Variants in LRP12 observed in about 807,000 individuals in gnomAD.
LRP12 encodes low-density lipoprotein receptor-related protein 12.
In LRP12, 14 loss-of-function variants were observed where a neutral mutation model predicts 66.0. That is an observed-to-expected ratio of 0.21 (90% CI 0.14 to 0.33). The LOEUF (loss-of-function observed/expected upper bound fraction) is 0.33, where lower values mean the gene tolerates loss of function less well. Ranked by LOEUF, LRP12 falls within the 10% of genes least tolerant of loss-of-function variation. The pLI, the probability that LRP12 is intolerant of heterozygous loss-of-function variation, is 1.00. For missense variants in LRP12, 889 were observed against 1,053.4 expected, an observed-to-expected ratio of 0.84 and a Z score of 2.16; for synonymous variants, 357 against 359.1, an observed-to-expected ratio of 0.99 and a Z score of 0.07.
chr8:104,496,258 T>G (rs1294826869), intron 5 of LRP12: 1 of 152,254 alleles, frequency 6.6e-6, no homozygotes, highest in Non-Finnish European at 1.5e-5. Flanking sequence ...GTTCCAATCG[T>G]ATCTCCTGTT....
At chr8:104,570,301 G>C (rs1203568017) in intron 1 of LRP12, among the ~76,000 whole-genome samples, 1 of 152,158 alleles carries the variant, frequency 6.6e-6, no homozygotes, top group Non-Finnish European at 1.5e-5. Flanking sequence ...GTATATGGAA[G>C]AGAAAAGGAA....
At chr8:104,511,973 C>T (rs71520892) in intron 2 of LRP12, among the ~76,000 whole-genome samples, 22,343 of 151,594 alleles carry the variant, frequency 0.15, 2,444 homozygotes, top group African/African-American at 0.31. Flanking sequence ...TAATAAATGA[C>T]GTTTTAGAAA....
chr8:104,567,994 T>C (rs1206392559), intron 1 of LRP12, among the ~76,000 whole-genome samples: 2 of 152,034 alleles, frequency 1.3e-5, no homozygotes, highest in African/African-American at 2.4e-5. Context: ...TGAAAACAAA[T>C]TGGAATACTC....
At chr8:104,495,325 C>A in intron 5 of LRP12, 116 bp from the exon 6 acceptor site, 1 of 1,067,576 alleles carries the variant, frequency 9.4e-7, no homozygotes. Context: ...CATTTTAAAG[C>A]TTAGTCATTT....
At chr8:104,519,018 T>C (rs556327576) in intron 2 of LRP12, among the ~76,000 whole-genome samples, 3 of 152,200 alleles carry the variant, frequency 2.0e-5, no homozygotes, top group Admixed American at 6.6e-5. Flanking sequence ...TAGAGTACTA[T>C]AGTTGCCCTT....
intron 2 of LRP12, among the ~76,000 whole-genome samples, chr8:104,510,874 G>C (rs74482191): frequency 1.3e-5 from 2 of 151,992 alleles, no homozygotes; most frequent in East Asian, 3.9e-4. Context: ...ACTGATCTAA[G>C]AGTTGTTGAG....
rs117298430 is a variant in LRP12 at position 104,572,083 on chromosome 8, A to C, written c.79+16736T>G. ...GTATATCCATAAAATGGCAAGGAATAAAACTAGTGATTGATGCAACAATGT... is the reference window on the plus strand; with the variant it reads ...GTATATCCATAAAATGGCAAGGAATCAAACTAGTGATTGATGCAACAATGT... On this transcript the variant is annotated intron_variant, in intron 1 of 6. Transcript: ENST00000276654. Among the ~76,000 whole-genome samples the C allele has an allele frequency of 7.1e-3, 1,083 of 152,382 alleles. 10 individuals carry two copies. The highest frequency in any genetic ancestry group is 9.5e-3 in the Admixed American group (146 of 15,314).
chr8:104,504,442 G>C (rs1810874953), intron 3 of LRP12: 1 of 151,956 alleles, frequency 6.6e-6, no homozygotes, highest in Admixed American at 6.5e-5. Flanking sequence ...ATGCATTAAA[G>C]TTGTAAACTT....
intron 2 of LRP12, among the ~76,000 whole-genome samples, chr8:104,524,125 C>G (rs1440010733): frequency 6.6e-6 from 1 of 151,346 alleles, no homozygotes; most frequent in Non-Finnish European, 1.5e-5. Flanking sequence ...ACCTGTAGTC[C>G]CAGCTACTCG....
chr8:104,555,662 A>C (rs541221729), intron 1 of LRP12, among the ~76,000 whole-genome samples: 1 of 152,280 alleles, frequency 6.6e-6, no homozygotes, highest in East Asian at 1.9e-4. Flanking sequence ...AATTTACAAA[A>C]CAATTACTAA....
At chr8:104,557,566 A>G (rs1430551568) in intron 1 of LRP12, among the ~76,000 whole-genome samples, 1 of 152,092 alleles carries the variant, frequency 6.6e-6, no homozygotes, top group Non-Finnish European at 1.5e-5. Context: ...CTAACCAAGG[A>G]GGTGAAAGAC....
intron 1 of LRP12, among the ~76,000 whole-genome samples, chr8:104,547,657 AAT>A (rs1281091963): frequency 2.5e-5 from 3 of 118,708 alleles, no homozygotes; most frequent in Non-Finnish European, 4.7e-5. Flanking sequence ...ATTAAAATAT[AAT>A]ATAATTCTAT....
At position 104,555,614 on chromosome 8, in the gene LRP12, A is replaced by G. The variant is rs895644099; in HGVS notation, c.80-23651T>C. On this transcript the variant is annotated intron_variant, in intron 1 of 6. Transcript: ENST00000276654. ...GGACTAGTCCAAAGGAAAATATCACAATCCTAAATATATATGCACCTAACA... is the reference window on the plus strand; with the variant it reads ...GGACTAGTCCAAAGGAAAATATCACGATCCTAAATATATATGCACCTAACA... 2.6e-5 allele frequency among the ~76,000 whole-genome samples: 4 copies of G among 152,298 alleles called. No individual in the cohort carries two copies. The East Asian group carries it at 7.7e-4, about 29-fold the overall frequency.
intron 1 of LRP12, among the ~76,000 whole-genome samples, chr8:104,580,770 G>C (rs760658369): frequency 6.6e-6 from 1 of 151,888 alleles, no homozygotes; most frequent in Non-Finnish European, 1.5e-5. Flanking sequence ...ATTATTAAAA[G>C]GTCAAAAAAA....
At position 104,497,270 on chromosome 8, in the gene LRP12, G is replaced by T. The variant is rs780468994; in HGVS notation, c.1282C>A (p.Pro428Thr). Residue 428 changes from proline (P) to threonine (T), a missense_variant, in exon 5 of 7, where the codon CCT becomes ACT. Physicochemically the swap from Pro to Thr is conservative, Grantham distance 38 (BLOSUM62 -1). Transcript: ENST00000276654. The surrounding 1 kb of genome is among the most constrained non-coding windows in gnomAD (Gnocchi z 4.3). ...TGGTAGTTGCAGCGATCAGAACGAGGATAACAGACACCATTTCGGGAACAT... is the reference window on the plus strand; with the variant it reads ...TGGTAGTTGCAGCGATCAGAACGAGTATAACAGACACCATTTCGGGAACAT... ...FPCSRNGVCY[P>T]RSDRCNYQNH... The T allele has an allele frequency of 2.2e-5, 36 of 1,614,072 alleles. No individual in the cohort carries two copies. The highest frequency in any genetic ancestry group is 3.1e-5 in the Non-Finnish European group (36 of 1,180,054).
intron 2 of LRP12, among the ~76,000 whole-genome samples, chr8:104,514,711 A>C (rs1811052748): frequency 6.6e-6 from 1 of 152,008 alleles, no homozygotes; most frequent in Non-Finnish European, 1.5e-5. Flanking sequence ...ACAAAAGAAA[A>C]ACAAAAAAAC....
intron 1 of LRP12, among the ~76,000 whole-genome samples, chr8:104,551,995 G>GT (rs1426691546): frequency 6.6e-6 from 1 of 152,178 alleles, no homozygotes; most frequent in African/African-American, 2.4e-5. Context: ...ATATGATACT[G>GT]TAAGTAAGAG....
intron 1 of LRP12, among the ~76,000 whole-genome samples, chr8:104,545,453 A>G (rs887601754): frequency 6.6e-6 from 1 of 152,150 alleles, no homozygotes; most frequent in Non-Finnish European, 1.5e-5. Flanking sequence ...TGCTACAGAG[A>G]AAGCTTTTAT....
chr8:104,547,580 A>T (rs571844793), intron 1 of LRP12, among the ~76,000 whole-genome samples: 16 of 122,706 alleles, frequency 1.3e-4, no homozygotes, highest in Non-Finnish European at 9.5e-5. Context: ...ATTATTATAT[A>T]TTAATATATA....
Sources: allele counts gnomAD v4.1 joint callset (sites outside exome capture counted in the v4.1 genomes callset), GRCh38; gene constraint gnomAD v4.1.1; non-coding constraint Gnocchi (gnomAD v3.1); transcripts MANE v1.5; gene names NCBI Gene and HGNC (gene_info 2026-07-23, HGNC 2026-07-21).